The following MYO6 variants were observed in gnomAD, a reference collection of about 807,000 sequenced individuals.
The protein encoded by MYO6 is myosin VI, also known as unconventional myosin-VI.
In MYO6, 74 loss-of-function variants were observed where a neutral mutation model predicts 178.7. The observed-to-expected ratio is 0.41, with a 90% CI of 0.34 to 0.50. MYO6 has a LOEUF of 0.50. MYO6 is among the 20% of genes least tolerant of loss of function. The probability of loss-of-function intolerance (pLI) is 0.09; values close to 1 mark genes in which losing one functional copy is unlikely to be tolerated. For missense variants in MYO6, 1,330 were observed against 1,547.4 expected, an observed-to-expected ratio of 0.86 and a Z score of 2.36; for synonymous variants, 477 against 504.6, an observed-to-expected ratio of 0.95 and a Z score of 0.73.
At chr6:75,885,340 C>T (rs560654081) in intron 23 of MYO6, among the ~76,000 whole-genome samples, 1 of 152,284 alleles carries the variant, frequency 6.6e-6, no homozygotes, top group South Asian at 2.1e-4. Context: ...TCAAGACCAG[C>T]CTGGCCGACA....
At chr6:75,845,354 G>C (rs545611501) in intron 10 of MYO6, among the ~76,000 whole-genome samples, 2 of 152,122 alleles carry the variant, frequency 1.3e-5, no homozygotes, top group Non-Finnish European at 2.9e-5. Context: ...CAAGGCTGAC[G>C]TGAGGTTTGA....
chr6:75,902,284 A>G (rs1312094596), intron 30 of MYO6, among the ~76,000 whole-genome samples: 10 of 152,190 alleles, frequency 6.6e-5, no homozygotes, highest in Admixed American at 1.3e-4. Flanking sequence ...TGATTGGAAT[A>G]GTTTCAGAAG....
At chr6:75,764,551 A>C (rs934061209) in intron 1 of MYO6, among the ~76,000 whole-genome samples, 3 of 151,974 alleles carry the variant, frequency 2.0e-5, no homozygotes, top group Non-Finnish European at 4.4e-5. Context: ...TGTCTACTCT[A>C]CCTAGATTGT....
intron 8 of MYO6, 58 bp from the exon 9 acceptor site, chr6:75,841,156 A>G (rs1178807077): frequency 1.4e-6 from 2 of 1,481,304 alleles, no homozygotes; most frequent in African/African-American, 1.4e-5. Flanking sequence ...AACATTGGTT[A>G]ATTATATTTT....
At chr6:75,764,584 G>A (rs1050193376) in intron 1 of MYO6, among the ~76,000 whole-genome samples, 3 of 152,160 alleles carry the variant, frequency 2.0e-5, no homozygotes, top group Non-Finnish European at 2.9e-5. Context: ...GGTATAAACT[G>A]CCTAGCGAGG....
intron 11 of MYO6, among the ~76,000 whole-genome samples, chr6:75,854,245 G>A (rs946704935): frequency 4.8e-5 from 6 of 125,812 alleles, no homozygotes; most frequent in African/African-American, 1.5e-4. Flanking sequence ...TTCTCAAAAT[G>A]CCCACATGGG....
chr6:75,882,812 C>T (rs182305979), intron 23 of MYO6, among the ~76,000 whole-genome samples: 226 of 152,068 alleles, frequency 1.5e-3, no homozygotes, highest in African/African-American at 5.3e-3. Flanking sequence ...GCAGACAAAC[C>T]GTATTCATAA....
intron 32 of MYO6, among the ~76,000 whole-genome samples, chr6:75,909,544 AT>A (rs1780601114): frequency 6.6e-6 from 1 of 152,202 alleles, no homozygotes; most frequent in South Asian, 2.1e-4. Context: ...GCCAAGGTGT[AT>A]ACTTGAAATT....
intron 20 of MYO6, among the ~76,000 whole-genome samples, chr6:75,875,723 G>A (rs1450380783): frequency 2.6e-5 from 4 of 152,222 alleles, no homozygotes; most frequent in African/African-American, 9.6e-5. Flanking sequence ...TTCTGCTATT[G>A]TAACCTTCTA....
chr6:75,900,974 C>G (rs1779725584), intron 30 of MYO6, among the ~76,000 whole-genome samples: 2 of 150,992 alleles, frequency 1.3e-5, no homozygotes, highest in Non-Finnish European at 3.0e-5. Flanking sequence ...TTCCCAGCAC[C>G]ATTTATTAAA....
At chr6:75,888,757 TATC>T (rs1257236902) in intron 25 of MYO6, among the ~76,000 whole-genome samples, 21 of 152,212 alleles carry the variant, frequency 1.4e-4, no homozygotes, top group African/African-American at 4.1e-4. Flanking sequence ...TTACAGTTCT[TATC>T]ATAATATACA....
chr6:75,900,348 A>G (rs2149392949), intron 30 of MYO6, among the ~76,000 whole-genome samples: 1 of 152,282 alleles, frequency 6.6e-6, no homozygotes, highest in South Asian at 2.1e-4. Flanking sequence ...TTACAGTCCC[A>G]CCAACAGTGT....
Position 75,828,528 on chromosome 6 carries a change from T to G in MYO6, c.188-12T>G. ...TTCAATTCTCTAATGACATATAAATTTTATGTCTTAGGTTCACTAATGTAT... is the reference window on the plus strand; with the variant it reads ...TTCAATTCTCTAATGACATATAAATGTTATGTCTTAGGTTCACTAATGTAT... On this transcript the variant is annotated splice_polypyrimidine_tract_variant and intron_variant, in intron 3 of 34. Transcript: ENST00000369977. 1 of 1,471,366 alleles carries G rather than the reference T, an allele frequency of 6.8e-7. No homozygotes were observed. The highest frequency in any genetic ancestry group is 9.5e-7 in the Non-Finnish European group (1 of 1,051,190). 91.1% of individuals were successfully genotyped at this position (1,471,366 alleles called of 1,614,324 possible). A position where few individuals can be genotyped will look rare whatever the true frequency, so the allele number is the denominator to read the frequency against.
chr6:75,817,505 CAG>C lies in MYO6; in HGVS notation c.-42_-41del. 2 of 1,424,688 alleles carry C rather than the reference CAG, an allele frequency of 1.4e-6. No individual in the cohort carries two copies. The highest frequency in any genetic ancestry group is 2.3e-5 in the South Asian group (2 of 87,276). The allele number at this position is 1,424,688 out of a possible 1,614,324, so 88.3% of individuals were successfully genotyped here. A position where few individuals can be genotyped will look rare whatever the true frequency, so the allele number is the denominator to read the frequency against. Reference sequence around the variant, plus strand: ...GTATTTGTTCCTTTGAAACAGGTGACAGTGGATAGTGGAAACAGGAGATCGTG... The same window carrying C: ...GTATTTGTTCCTTTGAAACAGGTGACTGGATAGTGGAAACAGGAGATCGTG... On this transcript the variant is annotated 5_prime_UTR_variant, in exon 2 of 35. Coordinates refer to ENST00000369977, the MANE Select transcript of MYO6 (RefSeq NM_004999.4).
rs1187330013 is a variant in MYO6, at chr6:75,854,280, T to C, written c.1079-859T>C. Among the ~76,000 whole-genome samples the C allele has an allele frequency of 4.5e-4, 34 of 76,368 alleles. 1 individual carries two copies. The South Asian group carries it at 0.016, about 36-fold the overall frequency. The allele number at this position is 76,368 out of a possible 152,430, so 50.1% of individuals were successfully genotyped here. On this transcript the variant is annotated intron_variant, in intron 11 of 34. Transcript: ENST00000369977. ...GTCAAGACCTAACTGCATTGCTTTT[T>C]TTTTTTTTTTTTTTTTTTTTTTTTT...
chr6:75,914,313 A>G (rs773543450), intron 34 of MYO6, 32 bp downstream of exon 34: 2 of 1,573,488 alleles, frequency 1.3e-6, no homozygotes, highest in Admixed American at 1.7e-5. Context: ...AACAAATTAT[A>G]GAACAAAAAA....
At chr6:75,913,953 A>G (rs539270177) in intron 33 of MYO6, 110 bp from the exon 34 acceptor site, 1 of 841,804 alleles carries the variant, frequency 1.2e-6, no homozygotes, top group African/African-American at 1.7e-5. Context: ...TAAATTTACT[A>G]TTAGGGACCT....
intron 26 of MYO6, among the ~76,000 whole-genome samples, chr6:75,890,475 G>T (rs1306801738): frequency 6.6e-6 from 1 of 152,150 alleles, no homozygotes; most frequent in Non-Finnish European, 1.5e-5. Flanking sequence ...CTCCTGAGTA[G>T]CTGGGATTAC....
chr6:75,838,083 C>T (rs1583234258), intron 7 of MYO6, among the ~76,000 whole-genome samples: 1 of 148,496 alleles, frequency 6.7e-6, no homozygotes, highest in African/African-American at 2.5e-5. Context: ...GACTGAGTCT[C>T]ACTCTGTCGC....
Sources: allele counts gnomAD v4.1 joint callset (sites outside exome capture counted in the v4.1 genomes callset), GRCh38; gene constraint gnomAD v4.1.1; transcripts MANE v1.5; gene names NCBI Gene and HGNC (gene_info 2026-07-23, HGNC 2026-07-21).